KIAA1210: variants seen among roughly 807,000 people sequenced by gnomAD.
KIAA1210 encodes acrosomal protein KIAA1210.
Under a neutral mutation model 78.9 loss-of-function variants are expected in KIAA1210, and 48 were observed. The observed-to-expected ratio is 0.61, with a 90% CI of 0.48 to 0.77. The LOEUF (loss-of-function observed/expected upper bound fraction) is 0.77, where lower values mean the gene tolerates loss of function less well. KIAA1210 is among the 30% of genes least tolerant of loss of function. The pLI is 0.00. For missense variants in KIAA1210, 1,108 were observed against 1,100.0 expected (o/e 1.01, Z -0.10); for synonymous variants, 406 against 404.5 (o/e 1.00, Z -0.04).
chrX:119,086,400 A>G, intron 9 of KIAA1210, 146 bp downstream of exon 9: 2 of 521,516 alleles, frequency 3.8e-6, no homozygotes, highest in Non-Finnish European at 6.2e-6. Context: ...ATGGGGCACT[A>G]TTTTGCTCCC....
intron 6 of KIAA1210, 94 bp downstream of exon 6, chrX:119,104,898 A>T: frequency 1.2e-6 from 1 of 827,063 alleles, no homozygotes; most frequent in Non-Finnish European, 1.7e-6. Context: ...TCATCCCCCT[A>T]GTGTTGAGCT....
intron 2 of KIAA1210, among the ~76,000 whole-genome samples, chrX:119,134,472 A>G (rs1317030045): frequency 8.9e-6 from 1 of 112,335 alleles, no homozygotes; most frequent in Non-Finnish European, 1.9e-5. Context: ...TCAACCCTCC[A>G]AATGTCCATG....
At position 119,081,032 on chromosome X, in the gene KIAA1210, G is replaced by C. The variant is rs1218232988; in HGVS notation, c.*297C>G. On this transcript the variant is annotated 3_prime_UTR_variant, in exon 12 of 12. Coordinates refer to ENST00000691062, the MANE Select transcript of KIAA1210 (RefSeq NM_001394962.1). ...GTAATCCCAGCTTTTGGGAGGCTGA[G>C]GCGGGCGGATCACGAGGTCAGGAGA... is the stretch of plus-strand genomic sequence containing the variant. 1.2e-5 allele frequency: 2 copies of C among 162,771 alleles called. No individual in the cohort carries two copies. The highest frequency in any genetic ancestry group is 2.3e-5 in the Non-Finnish European group (2 of 86,423). The allele number at this position is 162,771 out of a possible 1,213,427, so 13.4% of individuals were successfully genotyped here. A position where few individuals can be genotyped will look rare whatever the true frequency, so the allele number is the denominator to read the frequency against.
intron 1 of KIAA1210, among the ~76,000 whole-genome samples, chrX:119,127,523 C>T (rs1425669672): frequency 9.0e-6 from 1 of 110,575 alleles, no homozygotes; most frequent in East Asian, 2.8e-4. Context: ...TCCTAAAAGC[C>T]CTGAGGCTTT....
At chrX:119,099,886 C>T (rs893653255) in intron 6 of KIAA1210, among the ~76,000 whole-genome samples, 2 of 111,786 alleles carry the variant, frequency 1.8e-5, no homozygotes, top group Admixed American at 9.5e-5. Flanking sequence ...ATGAAGAGAA[C>T]GGCTCCCATT....
chrX:119,098,247 C>T (rs180844751), intron 6 of KIAA1210, among the ~76,000 whole-genome samples: 167 of 112,052 alleles, frequency 1.5e-3, no homozygotes, highest in African/African-American at 5.3e-3. Flanking sequence ...CTCTGCTAGG[C>T]ATGCTCTTCC....
chrX:119,119,306 G>A (rs999080819), intron 2 of KIAA1210, among the ~76,000 whole-genome samples: 8 of 112,071 alleles, frequency 7.1e-5, no homozygotes, highest in African/African-American at 1.9e-4. Flanking sequence ...AGCCAGCATG[G>A]AGTAGAGCAA....
At chrX:119,137,204 T>C (rs1318802542) in intron 2 of KIAA1210, among the ~76,000 whole-genome samples, 1 of 112,507 alleles carries the variant, frequency 8.9e-6, no homozygotes, top group Non-Finnish European at 1.9e-5. Flanking sequence ...TAGGTACTAG[T>C]TATTTTCACT....
intron 2 of KIAA1210, among the ~76,000 whole-genome samples, chrX:119,123,177 A>G (rs1200146812): frequency 8.9e-6 from 1 of 112,295 alleles, no homozygotes; most frequent in East Asian, 2.8e-4. Flanking sequence ...TTGTAAATTT[A>G]ATCCTATTTA....
At chrX:119,110,428 G>A (rs1474990863) in intron 3 of KIAA1210, among the ~76,000 whole-genome samples, 1 of 111,578 alleles carries the variant, frequency 9.0e-6, no homozygotes, top group Non-Finnish European at 1.9e-5. Flanking sequence ...AAGGATGACT[G>A]CTTTTATCAT....
upstream of KIAA1210, among the ~76,000 whole-genome samples, chrX:119,129,749 C>T (rs377078036): frequency 8.1e-5 from 9 of 111,292 alleles, no homozygotes; most frequent in East Asian, 2.5e-3. Flanking sequence ...AGTGTGGAGC[C>T]CCATTCAGCT....
chrX:119,083,723 G>T (rs1446908254), intron 10 of KIAA1210, among the ~76,000 whole-genome samples: 1 of 111,065 alleles, frequency 9.0e-6, no homozygotes, highest in Non-Finnish European at 1.9e-5. Context: ...GCTGAGAGCA[G>T]TGGCCTATAA....
At chrX:119,116,404 G>T in intron 3 of KIAA1210, 92 bp downstream of exon 3, 1 of 909,203 alleles carries the variant, frequency 1.1e-6, no homozygotes. Context: ...GACTCTTGGT[G>T]TCCCTGGTGA....
rs752983760 is a variant in KIAA1210, at chrX:119,086,683, T to G, written c.4019A>C (p.His1340Pro). 2 of 1,209,819 alleles carry G rather than the reference T, an allele frequency of 1.7e-6. No homozygotes were observed. The highest frequency in any genetic ancestry group is 4.4e-5 in the Admixed American group (2 of 45,743). The stretch of plus-strand genomic sequence containing the variant: ...CCCCTGGGAAGTGCTTCTGATTTTA[T>G]GTCCCCTGCCTACAGAGGATGAAAT... ...GPISSSVGRGHKIRSTSQGLL... is the reference protein window; with the variant it reads ...GPISSSVGRGPKIRSTSQGLL... Residue 1340 changes from histidine (H) to proline (P), a missense_variant, in exon 9 of 12, where the codon CAT (histidine) becomes CCT (proline). This residue lies in a region of KIAA1210 where 245 missense variants were observed against 278.8 expected (regional missense o/e 0.88). Transcript: ENST00000691062.
At chrX:119,108,529 G>T (rs1603268118) in intron 4 of KIAA1210, 58 bp from the exon 5 acceptor site, 1 of 1,148,502 alleles carries the variant, frequency 8.7e-7, no homozygotes, top group Admixed American at 2.7e-5. Context: ...ATAAACAGTG[G>T]AATGTTGCTG....
intron 2 of KIAA1210, among the ~76,000 whole-genome samples, chrX:119,120,859 C>T (rs940026134): frequency 8.9e-6 from 1 of 111,742 alleles, no homozygotes; most frequent in Non-Finnish European, 1.9e-5. Flanking sequence ...GAGATGGTAA[C>T]TGCCAAATAT....
intron 1 of KIAA1210, among the ~76,000 whole-genome samples, chrX:119,124,395 G>T (rs1051455156): frequency 1.8e-5 from 2 of 112,327 alleles, no homozygotes; most frequent in Non-Finnish European, 3.8e-5. Flanking sequence ...TTAAATAGGT[G>T]ACTTGTATAG....
chrX:119,127,237 A>C (rs1283458471), intron 1 of KIAA1210, among the ~76,000 whole-genome samples: 1 of 110,154 alleles, frequency 9.1e-6, no homozygotes, highest in African/African-American at 3.3e-5. Context: ...ACTATCTTAG[A>C]GAAGCCTGTG....
At chrX:119,147,958 G>A (rs1929207332) in intron 1 of KIAA1210, among the ~76,000 whole-genome samples, 1 of 111,557 alleles carries the variant, frequency 9.0e-6, no homozygotes, top group Non-Finnish European at 1.9e-5. Flanking sequence ...AACATAGCAA[G>A]ACCCTGTCTC....
Sources: allele counts gnomAD v4.1 joint callset (sites outside exome capture counted in the v4.1 genomes callset), GRCh38; gene constraint gnomAD v4.1.1; regional missense constraint gnomAD v4.1.1; transcripts MANE v1.5; gene names NCBI Gene and HGNC (gene_info 2026-07-23, HGNC 2026-07-21).